The following TMED3 variants were observed in gnomAD, a reference collection of about 807,000 sequenced individuals.
TMED3 encodes the protein transmembrane p24 trafficking protein 3.
TMED3 carries 9 observed loss-of-function variants against 15.0 expected under a neutral mutation model. The ratio of observed to expected loss-of-function variants is 0.60; its 90% confidence interval spans 0.36 to 1.04. The LOEUF (loss-of-function observed/expected upper bound fraction) is 1.04. Among genes scored for constraint, TMED3 ranks in the 50% least tolerant of loss-of-function variants. The pLI is 0.01. For synonymous variants in TMED3, 117 were observed against 121.4 expected, an observed-to-expected ratio of 0.96 and a Z score of 0.24; for missense variants, 267 against 278.9, an observed-to-expected ratio of 0.96 and a Z score of 0.30.
chr15:79,323,123 A>G (rs1446144183), downstream of TMED3, among the ~76,000 whole-genome samples: 1 of 152,198 alleles, frequency 6.6e-6, no homozygotes, highest in East Asian at 1.9e-4. Context: ...GCCCTGCTCC[A>G]TCATTTCCTT....
chr15:79,312,266 G>C (rs1324051821), intron 1 of TMED3, among the ~76,000 whole-genome samples: 1 of 152,218 alleles, frequency 6.6e-6, no homozygotes, highest in Non-Finnish European at 1.5e-5. Context: ...GGCACTGAAG[G>C]AAGCTTGCGC....
At chr15:79,342,828 T>C (rs1184315698) in intron 2 of TMED3, among the ~76,000 whole-genome samples, 1 of 152,154 alleles carries the variant, frequency 6.6e-6, no homozygotes. Context: ...GTTCCTGCCT[T>C]TGTGAAACTT....
At chr15:79,314,131 G>T in intron 2 of TMED3, 126 bp downstream of exon 2, 3 of 1,322,448 alleles carry the variant, frequency 2.3e-6, no homozygotes, top group Non-Finnish European at 3.1e-6. Context: ...CTCAGGGTTG[G>T]TTTTGTCTCT....
At chr15:79,409,680 C>G (rs563531057) in intron 2 of TMED3, among the ~76,000 whole-genome samples, 1 of 152,306 alleles carries the variant, frequency 6.6e-6, no homozygotes, top group African/African-American at 2.4e-5. Context: ...ATGTTTTCCT[C>G]AGCCTTCTGC....
chr15:79,342,576 TAAATC>T (rs1164494973), intron 2 of TMED3, among the ~76,000 whole-genome samples: 1 of 152,182 alleles, frequency 6.6e-6, no homozygotes, highest in African/African-American at 2.4e-5. Flanking sequence ...AAGAAGTTGA[TAAATC>T]TAACTACCTA....
At chr15:79,378,281 G>A (rs1245855665) in intron 2 of TMED3, among the ~76,000 whole-genome samples, 1 of 152,160 alleles carries the variant, frequency 6.6e-6, no homozygotes, top group Middle Eastern at 3.2e-3. Context: ...GTTATTTACG[G>A]TAGGGATGGC....
chr15:79,387,345 A>G (rs1272485883), intron 2 of TMED3, among the ~76,000 whole-genome samples: 2 of 152,178 alleles, frequency 1.3e-5, no homozygotes, highest in South Asian at 2.1e-4. Flanking sequence ...ATTTGTCATG[A>G]ATCAAATATC....
chr15:79,353,161 A>AT (rs1172497841), intron 2 of TMED3, among the ~76,000 whole-genome samples: 4 of 69,258 alleles, frequency 5.8e-5, no homozygotes, highest in African/African-American at 1.3e-4. Context: ...AAATATATAT[A>AT]AATATATATA....
chr15:79,362,842 C>G (rs1893158418), intron 2 of TMED3, among the ~76,000 whole-genome samples: 1 of 152,228 alleles, frequency 6.6e-6, no homozygotes, highest in East Asian at 1.9e-4. Flanking sequence ...TCCATTAAAT[C>G]TCTTTTCTTT....
intron 2 of TMED3, among the ~76,000 whole-genome samples, chr15:79,369,390 C>A (rs750292178): frequency 3.3e-5 from 5 of 152,186 alleles, no homozygotes; most frequent in Non-Finnish European, 7.3e-5. Flanking sequence ...AAGTAAGGCA[C>A]CAAGCTAACA....
chr15:79,380,848 A>G (rs1893521472), intron 2 of TMED3, among the ~76,000 whole-genome samples: 1 of 152,116 alleles, frequency 6.6e-6, no homozygotes, highest in South Asian at 2.1e-4. Context: ...CAAGCCTATG[A>G]TGCTTTGATT....
At chr15:79,368,953 G>A (rs1234596056) in intron 2 of TMED3, among the ~76,000 whole-genome samples, 8 of 151,900 alleles carry the variant, frequency 5.3e-5, no homozygotes, top group African/African-American at 1.9e-4. Context: ...AAATTAGCTG[G>A]GCATGGTGGC....
chr15:79,387,326 C>T (rs1893638914), intron 2 of TMED3, among the ~76,000 whole-genome samples: 2 of 152,278 alleles, frequency 1.3e-5, no homozygotes, highest in South Asian at 4.1e-4. Flanking sequence ...CTCTGCTTTG[C>T]AGTCTTATAT....
intron 2 of TMED3, among the ~76,000 whole-genome samples, chr15:79,331,993 C>A (rs1371912586): frequency 1.3e-5 from 2 of 152,150 alleles, no homozygotes; most frequent in Admixed American, 1.3e-4. Context: ...ACGGAGGCTG[C>A]TGTGTGCTAT....
chr15:79,352,255 C>T (rs1402650967), intron 2 of TMED3, among the ~76,000 whole-genome samples: 1 of 152,146 alleles, frequency 6.6e-6, no homozygotes, highest in Admixed American at 6.6e-5. Flanking sequence ...AATTATTTGG[C>T]ATAGACCATT....
chr15:79,332,370 T>C (rs902223948), intron 2 of TMED3, among the ~76,000 whole-genome samples: 2 of 152,220 alleles, frequency 1.3e-5, no homozygotes, highest in Non-Finnish European at 2.9e-5. Flanking sequence ...TGGTGATGCC[T>C]CGCTCACACA....
intron 2 of TMED3, among the ~76,000 whole-genome samples, chr15:79,397,694 A>ATC (rs1893778469): frequency 6.6e-6 from 1 of 152,210 alleles, no homozygotes. Flanking sequence ...AGATTATTAC[A>ATC]TTACTACAGT....
At chr15:79,398,332 A>T (rs1025598198) in intron 2 of TMED3, among the ~76,000 whole-genome samples, 2 of 152,082 alleles carry the variant, frequency 1.3e-5, no homozygotes, top group African/African-American at 2.4e-5. Context: ...TAGAGACAGG[A>T]TCTTGCTTTG....
At chr15:79,318,191 G>C (rs1257502371) in intron 2 of TMED3, among the ~76,000 whole-genome samples, 1 of 102,272 alleles carries the variant, frequency 9.8e-6, no homozygotes, top group Non-Finnish European at 2.0e-5. Context: ...CATCTTCTCT[G>C]GCAGGCTCAG....
Sources: allele counts gnomAD v4.1 joint callset (sites outside exome capture counted in the v4.1 genomes callset), GRCh38; gene constraint gnomAD v4.1.1; transcripts MANE v1.5; gene names NCBI Gene and HGNC (gene_info 2026-07-23, HGNC 2026-07-21).